GRM1: variants seen among roughly 807,000 people sequenced by gnomAD.
GRM1 encodes metabotropic glutamate receptor 1.
Under a neutral mutation model 90.9 loss-of-function variants are expected in GRM1, and 33 were observed. The ratio of observed to expected loss-of-function variants is 0.36; its 90% CI spans 0.28 to 0.49. GRM1 has a LOEUF of 0.49. GRM1 is among the 20% of genes least tolerant of loss of function. The pLI is 0.99. For missense variants in GRM1, 1,190 were observed against 1,534.3 expected (o/e 0.78, Z 3.75); for synonymous variants, 700 against 613.2 (o/e 1.14, Z -2.09).
intron 2 of GRM1, among the ~76,000 whole-genome samples, chr6:146,281,542 T>A (rs1186318941): frequency 6.6e-6 from 1 of 152,230 alleles, no homozygotes; most frequent in Non-Finnish European, 1.5e-5. Flanking sequence ...TTAAAGCAAT[T>A]TGAAATAGTT....
intron 2 of GRM1, among the ~76,000 whole-genome samples, chr6:146,265,251 G>A (rs922558832): frequency 2.0e-5 from 3 of 152,114 alleles, no homozygotes; most frequent in Non-Finnish European, 2.9e-5. Flanking sequence ...GTATGTTATT[G>A]TGGTTTTAAT....
rs1784063786 is a variant in GRM1, at chr6:146,318,628, AAAGTG to A, written c.1186+13783_1186+13787del. ...AATTTACACTCCCACCAACAATGTAAAAGTGTTCCTATTTCTCCACATCCTCTCCA... is the reference window on the plus strand; with the variant it reads ...AATTTACACTCCCACCAACAATGTAATTCCTATTTCTCCACATCCTCTCCA... On this transcript the variant is annotated intron_variant, in intron 3 of 7. Transcript: ENST00000282753. Among the ~76,000 whole-genome samples the A allele has an allele frequency of 2.0e-5, 3 of 152,196 alleles. No homozygotes were observed. The South Asian group carries it at 6.2e-4, about 32-fold the overall frequency.
intron 2 of GRM1, among the ~76,000 whole-genome samples, chr6:146,194,143 A>AC: frequency 6.6e-6 from 1 of 152,262 alleles, no homozygotes; most frequent in South Asian, 2.1e-4. Flanking sequence ...TAGTTTAACA[A>AC]CATTTTCATA....
intron 7 of GRM1, among the ~76,000 whole-genome samples, chr6:146,432,812 C>A (rs954688002): frequency 1.3e-5 from 2 of 152,178 alleles, no homozygotes; most frequent in African/African-American, 4.8e-5. Context: ...AGAGTTATTA[C>A]AATAGACAGA....
intron 2 of GRM1, among the ~76,000 whole-genome samples, chr6:146,214,583 A>G (rs968802738): frequency 2.7e-4 from 41 of 152,220 alleles, no homozygotes; most frequent in African/African-American, 9.9e-4. Flanking sequence ...ACAATAGGTC[A>G]TAATTGTATT....
intron 2 of GRM1, among the ~76,000 whole-genome samples, chr6:146,245,994 C>T (rs1367750648): frequency 6.6e-6 from 1 of 152,140 alleles, no homozygotes; most frequent in Non-Finnish European, 1.5e-5. Context: ...AAATATGTAG[C>T]TTCTGATGTA....
chr6:146,303,825 T>G (rs977145995), intron 2 of GRM1, among the ~76,000 whole-genome samples: 1 of 152,184 alleles, frequency 6.6e-6, no homozygotes, highest in Non-Finnish European at 1.5e-5. Context: ...CTTTGTCTGG[T>G]GGAATTTGTC....
chr6:146,087,842 T>C (rs1053932170), intron 1 of GRM1, among the ~76,000 whole-genome samples: 1 of 152,160 alleles, frequency 6.6e-6, no homozygotes. Context: ...CCATTCCCTG[T>C]TGGAGGACAT....
At chr6:146,107,476 A>G (rs1321072764) in intron 1 of GRM1, among the ~76,000 whole-genome samples, 7 of 152,012 alleles carry the variant, frequency 4.6e-5, no homozygotes, top group Non-Finnish European at 8.8e-5. Flanking sequence ...CCTGCAGGCA[A>G]TTGCAGCTTT....
At chr6:146,172,949 G>T (rs913627191) in intron 2 of GRM1, among the ~76,000 whole-genome samples, 1 of 152,126 alleles carries the variant, frequency 6.6e-6, no homozygotes, top group African/African-American at 2.4e-5. Flanking sequence ...AATACGTAAG[G>T]CTGGATTTTG....
chr6:146,383,374 G>T (rs1240277977), intron 5 of GRM1, among the ~76,000 whole-genome samples: 3 of 152,114 alleles, frequency 2.0e-5, no homozygotes, highest in Non-Finnish European at 4.4e-5. Context: ...CAGGGAGAAA[G>T]ATACAGCTGG....
intron 2 of GRM1, among the ~76,000 whole-genome samples, chr6:146,301,343 C>T (rs1783372814): frequency 6.6e-6 from 1 of 152,182 alleles, no homozygotes; most frequent in Non-Finnish European, 1.5e-5. Flanking sequence ...TACATATTCA[C>T]AGATAAAGTT....
At chr6:146,313,284 A>G in intron 3 of GRM1, among the ~76,000 whole-genome samples, 1 of 152,312 alleles carries the variant, frequency 6.6e-6, no homozygotes, top group East Asian at 1.9e-4. Context: ...ATAACTATTA[A>G]TAAGTTCTTT....
At chr6:146,060,243 G>GT (rs536428236) in intron 1 of GRM1, among the ~76,000 whole-genome samples, 32 of 150,844 alleles carry the variant, frequency 2.1e-4, no homozygotes, top group South Asian at 6.3e-4. Flanking sequence ...AGGTTTCTGT[G>GT]TTTTTTTTTA....
intron 1 of GRM1, among the ~76,000 whole-genome samples, chr6:146,137,479 T>C (rs963462336): frequency 6.6e-6 from 1 of 152,346 alleles, no homozygotes; most frequent in Non-Finnish European, 1.5e-5. Context: ...ATTGTAGATA[T>C]ACAGATTTGT....
chr6:146,374,282 A>T (rs1214649733), intron 5 of GRM1, among the ~76,000 whole-genome samples: 1 of 152,024 alleles, frequency 6.6e-6, no homozygotes, highest in African/African-American at 2.4e-5. Context: ...TATTTTGTCG[A>T]GGATTTTTGC....
intron 6 of GRM1, among the ~76,000 whole-genome samples, chr6:146,397,475 AAAAAAAAAG>A (rs1197047368): frequency 5.2e-5 from 7 of 134,914 alleles, no homozygotes; most frequent in African/African-American, 1.7e-4. Flanking sequence ...CCCCGTCTCA[AAAAAAAAAG>A]AAAAAAAAAA....
intron 2 of GRM1, among the ~76,000 whole-genome samples, chr6:146,214,928 C>T (rs1007387339): frequency 2.6e-5 from 4 of 152,116 alleles, no homozygotes; most frequent in South Asian, 2.1e-4. Flanking sequence ...TGGGCTTTAA[C>T]GTAGAGTCTG....
intron 1 of GRM1, among the ~76,000 whole-genome samples, chr6:146,088,514 T>C (rs1365466979): frequency 6.6e-6 from 1 of 152,116 alleles, no homozygotes; most frequent in East Asian, 1.9e-4. Flanking sequence ...ACCCAGTGTT[T>C]AGTCTAGTGC....
Sources: gnomAD v4.1 joint callset for allele counts (sites outside exome capture counted in the v4.1 genomes callset) on GRCh38, gnomAD v4.1.1 for gene constraint, MANE v1.5 for transcripts, NCBI Gene and HGNC (gene_info 2026-07-23, HGNC 2026-07-21) for gene names.